RAD51B: variants seen among roughly 807,000 people sequenced by gnomAD.
RAD51B encodes the protein RAD51 paralog B.
In RAD51B, 38 loss-of-function variants were observed where a neutral mutation model predicts 42.2. That is an observed-to-expected ratio of 0.90 (90% confidence interval 0.70 to 1.18). RAD51B has a LOEUF of 1.18. Ranked by LOEUF, RAD51B falls within the 50% of genes most tolerant of loss-of-function variation. RAD51B has a pLI of 0.00. For missense variants in RAD51B, 373 were observed against 400.7 expected, an observed-to-expected ratio of 0.93 and a Z score of 0.59; for synonymous variants, 154 against 145.2, an observed-to-expected ratio of 1.06 and a Z score of -0.43.
intron 7 of RAD51B, among the ~76,000 whole-genome samples, chr14:68,121,993 A>G (rs1050612974): frequency 3.3e-5 from 5 of 152,016 alleles, no homozygotes; most frequent in African/African-American, 1.2e-4. Flanking sequence ...GGCATTGCAT[A>G]TCACAATAAA....
At chr14:68,263,817 C>G (rs182855436) in intron 7 of RAD51B, among the ~76,000 whole-genome samples, 52 of 152,228 alleles carry the variant, frequency 3.4e-4, no homozygotes, top group African/African-American at 1.2e-3. Context: ...TAAATAAGCA[C>G]TAATGGCAAA....
rs1043191902 is a variant in RAD51B, at chr14:67,885,973, A to G, written c.557A>G (p.Asp186Gly). 12 of 1,599,308 alleles carry G rather than the reference A, an allele frequency of 7.5e-6. No individual in the cohort carries two copies. In the Admixed American group the frequency reaches 1.0e-4, roughly 13 times the overall value. ...CATCTTTATCGGGAACTCACCTGTG[A>G]TGAAGTTCTACAAAGGTATGCTGCT... is the stretch of plus-strand genomic sequence containing the variant. ...KVHLYRELTCDEVLQRIESLE... is the reference protein window; with the variant it reads ...KVHLYRELTCGEVLQRIESLE... The change falls in exon 6 of 11, where the codon GAT becomes GGT. Residue 186 changes from aspartate to glycine, a missense_variant. Physicochemically the swap from Asp to Gly is moderately conservative, Grantham distance 94. Transcript: ENST00000471583.
intron 7 of RAD51B, among the ~76,000 whole-genome samples, chr14:67,976,276 C>A (rs1566988169): frequency 6.6e-6 from 1 of 151,680 alleles, no homozygotes; most frequent in Admixed American, 6.6e-5. Context: ...GCTACCTTGC[C>A]AAGATAATTT....
At chr14:68,110,528 T>C (rs1481701108) in intron 7 of RAD51B, among the ~76,000 whole-genome samples, 1 of 152,064 alleles carries the variant, frequency 6.6e-6, no homozygotes, top group African/African-American at 2.4e-5. Context: ...AAAAGTCTTA[T>C]TGGTGAGAAT....
chr14:67,865,133 C>A lies in RAD51B; in HGVS notation c.446C>A (p.Ala149Asp), dbSNP rs755777578. 8.8e-6 allele frequency: 14 copies of A among 1,592,392 alleles called. No individual in the cohort carries two copies. Among genetic ancestry groups the A allele is most frequent in the Non-Finnish European group, 1.1e-5 (13 of 1,171,648 alleles). ...VYIDTESAFSAERLVEIAESR... is the reference protein window; with the variant it reads ...VYIDTESAFSDERLVEIAESR... ...ATTGACACAGAGTCTGCATTTAGTGCTGAAAGGTATGAGATTTTATTTTCT... is the reference window on the plus strand; with the variant it reads ...ATTGACACAGAGTCTGCATTTAGTGATGAAAGGTATGAGATTTTATTTTCT... Residue 149 changes from alanine to aspartate, a missense_variant, in exon 5 of 11, where the codon GCT becomes GAT. Coordinates refer to ENST00000471583, the MANE Select transcript of RAD51B (RefSeq NM_133510.4).
intron 8 of RAD51B, among the ~76,000 whole-genome samples, chr14:68,319,761 T>C (rs924452811): frequency 3.3e-5 from 5 of 152,182 alleles, no homozygotes; most frequent in Non-Finnish European, 7.3e-5. Context: ...CCTTTTTAAT[T>C]CTTCTGTAAA....
chr14:68,291,014 G>T (rs1391189164), intron 7 of RAD51B, among the ~76,000 whole-genome samples: 4 of 151,764 alleles, frequency 2.6e-5, no homozygotes, highest in African/African-American at 4.8e-5. Context: ...CTCCACATTG[G>T]CAAGGCTGGT....
chr14:68,142,598 G>A (rs1000960620), intron 7 of RAD51B, among the ~76,000 whole-genome samples: 1 of 152,066 alleles, frequency 6.6e-6, no homozygotes, highest in African/African-American at 2.4e-5. Flanking sequence ...TTGCTGTTTT[G>A]TAAATCAACA....
intron 7 of RAD51B, among the ~76,000 whole-genome samples, chr14:67,944,843 C>A (rs2045335385): frequency 6.6e-6 from 1 of 152,100 alleles, no homozygotes; most frequent in South Asian, 2.1e-4. Context: ...CTGGACCCTG[C>A]CCTTATGGAC....
intron 7 of RAD51B, among the ~76,000 whole-genome samples, chr14:68,111,123 A>G (rs2077452912): frequency 6.6e-6 from 1 of 152,104 alleles, no homozygotes; most frequent in Non-Finnish European, 1.5e-5. Context: ...GGGTGGACCA[A>G]GTAACCTTTG....
At chr14:68,599,437 A>G (rs939568717), downstream of RAD51B, among the ~76,000 whole-genome samples, 1 of 152,120 alleles carries the variant, frequency 6.6e-6, no homozygotes, top group Non-Finnish European at 1.5e-5. Context: ...TAGGCTCCCA[A>G]ATGGGTAGGA....
chr14:67,968,410 T>C (rs1295120959), intron 7 of RAD51B, among the ~76,000 whole-genome samples: 2 of 152,202 alleles, frequency 1.3e-5, no homozygotes, highest in Admixed American at 6.5e-5. Context: ...AGGCTGCAAG[T>C]TTTCTAAGTT....
At chr14:67,855,476 G>A (rs936567339) in intron 4 of RAD51B, among the ~76,000 whole-genome samples, 8 of 147,732 alleles carry the variant, frequency 5.4e-5, no homozygotes, top group Non-Finnish European at 9.0e-5. Flanking sequence ...TCCTGACCTC[G>A]TGATTCGCCC....
At chr14:68,206,853 G>A (rs528503355) in intron 7 of RAD51B, among the ~76,000 whole-genome samples, 2 of 148,512 alleles carry the variant, frequency 1.3e-5, no homozygotes, top group Admixed American at 1.3e-4. Flanking sequence ...GCAGTGGCGC[G>A]ATCTCGGCTC....
intron 9 of RAD51B, among the ~76,000 whole-genome samples, chr14:68,424,077 G>A (rs9323509): frequency 0.075 from 11,363 of 152,200 alleles, 784 homozygotes; most frequent in African/African-American, 0.18. Context: ...CAGTGGGGAT[G>A]GACCTGTGCT....
At chr14:68,658,772 C>A (rs955532453) in intron 11 of RAD51B, among the ~76,000 whole-genome samples, 7 of 152,228 alleles carry the variant, frequency 4.6e-5, no homozygotes, top group African/African-American at 1.4e-4. Context: ...TATTAAGTGC[C>A]TGATTTTGTG....
chr14:68,598,780 C>A (rs1891104023), downstream of RAD51B, among the ~76,000 whole-genome samples: 1 of 152,198 alleles, frequency 6.6e-6, no homozygotes, highest in Admixed American at 6.5e-5. Flanking sequence ...TGTCAGGTTC[C>A]CCCTTTTCTG....
chr14:68,349,271 A>G (rs1430222490), intron 8 of RAD51B, among the ~76,000 whole-genome samples: 1 of 152,176 alleles, frequency 6.6e-6, no homozygotes, highest in Non-Finnish European at 1.5e-5. Context: ...TCTTGGTCTT[A>G]GGCTTTTTAG....
At chr14:68,660,566 G>A (rs1297366054) in intron 11 of RAD51B, among the ~76,000 whole-genome samples, 3 of 152,192 alleles carry the variant, frequency 2.0e-5, no homozygotes, top group Non-Finnish European at 1.5e-5. Context: ...CTGGTGCAGA[G>A]CCTGGGCAGA....
Sources: gnomAD v4.1 joint callset for allele counts (sites outside exome capture counted in the v4.1 genomes callset) on GRCh38, gnomAD v4.1.1 for gene constraint, MANE v1.5 for transcripts, NCBI Gene and HGNC (gene_info 2026-07-23, HGNC 2026-07-21) for gene names.